The following UTS2 variants were observed in gnomAD, a reference collection of about 807,000 sequenced individuals.
UTS2 encodes the protein urotensin 2.
Under a neutral mutation model 12.6 loss-of-function variants are expected in UTS2, and 10 were observed. The ratio of observed to expected loss-of-function variants is 0.80; its 90% CI spans 0.49 to 1.35. UTS2 has a LOEUF of 1.35. UTS2 is among the 40% of genes most tolerant of loss of function. The pLI, the probability that UTS2 is intolerant of heterozygous loss-of-function variation, is 0.00. For synonymous variants in UTS2, 52 were observed against 50.0 expected (o/e 1.04, Z -0.17); for missense variants, 142 against 143.2 (o/e 0.99, Z 0.04).
the UTS2 span, among the ~76,000 whole-genome samples, chr1:7,898,738 G>T: frequency 2.6e-5 from 4 of 151,914 alleles, no homozygotes; most frequent in Non-Finnish European, 1.5e-5. Flanking sequence ...CGGCCTCCCA[G>T]AATATAGAGT....
the UTS2 span, among the ~76,000 whole-genome samples, chr1:7,890,973 C>T: frequency 6.7e-6 from 1 of 150,210 alleles, no homozygotes; most frequent in Non-Finnish European, 1.5e-5. Flanking sequence ...CTCCACCCCC[C>T]CCCACAAAAC....
chr1:7,899,043 G>A, the UTS2 span, among the ~76,000 whole-genome samples: 1 of 152,168 alleles, frequency 6.6e-6, no homozygotes, highest in Non-Finnish European at 1.5e-5. Context: ...AGGTGAAGGG[G>A]AAACAGGCAC....
At chr1:7,866,223 C>A in the UTS2 span, among the ~76,000 whole-genome samples, 13,429 of 152,190 alleles carry the variant, frequency 0.088, 1,409 homozygotes, top group East Asian at 0.46. The surrounding 1 kb of genome is among the most constrained non-coding windows in gnomAD (Gnocchi z 4.5). Flanking sequence ...GATGACCTGG[C>A]TCGCCCATCT....
the UTS2 span, among the ~76,000 whole-genome samples, chr1:7,904,503 A>G: frequency 6.6e-6 from 1 of 152,008 alleles, no homozygotes; most frequent in African/African-American, 2.4e-5. Flanking sequence ...CAAAAAAAGT[A>G]AAGACGTGTA....
the UTS2 span, among the ~76,000 whole-genome samples, chr1:7,904,579 T>C: frequency 6.6e-6 from 1 of 152,098 alleles, no homozygotes; most frequent in African/African-American, 2.4e-5. Flanking sequence ...CTTAAATAGT[T>C]ACGTGTTATG....
chr1:7,904,773 T>C, the UTS2 span, among the ~76,000 whole-genome samples: 2 of 151,578 alleles, frequency 1.3e-5, no homozygotes, highest in Non-Finnish European at 1.5e-5. Context: ...GGCGTGGTGG[T>C]GGCGCCTGTA....
chr1:7,859,576 T>C, the UTS2 span, among the ~76,000 whole-genome samples: 1 of 151,994 alleles, frequency 6.6e-6, no homozygotes, highest in East Asian at 1.9e-4. Context: ...GGCCCTGGGG[T>C]CAGATGAGGG....
the UTS2 span, among the ~76,000 whole-genome samples, chr1:7,911,241 G>A: frequency 0.52 from 78,465 of 151,930 alleles, 21,147 homozygotes; most frequent in East Asian, 0.92. Context: ...TGCAGGATGT[G>A]TGATCATAAT....
At chr1:7,889,456 AAAAAAAAG>A in the UTS2 span, among the ~76,000 whole-genome samples, 24 of 149,806 alleles carry the variant, frequency 1.6e-4, no homozygotes, top group South Asian at 4.4e-3. Flanking sequence ...AAAAAAAAAA[AAAAAAAAG>A]AAAAGAAAAG....
At chr1:7,871,757 G>A in the UTS2 span, among the ~76,000 whole-genome samples, 1 of 151,968 alleles carries the variant, frequency 6.6e-6, no homozygotes, top group Non-Finnish European at 1.5e-5. Context: ...GATCTTTCAT[G>A]TTACTATTCG....
At chr1:7,872,326 G>GA in the UTS2 span, among the ~76,000 whole-genome samples, 5 of 97,796 alleles carry the variant, frequency 5.1e-5, no homozygotes, top group African/African-American at 2.0e-4. Flanking sequence ...AAAAGGAAAA[G>GA]AAAAAAAAAG....
chr1:7,900,343 G>A, the UTS2 span, among the ~76,000 whole-genome samples: 1 of 151,934 alleles, frequency 6.6e-6, no homozygotes, highest in Non-Finnish European at 1.5e-5. Flanking sequence ...AAGCTGCAGT[G>A]AGCCTTGATT....
the UTS2 span, among the ~76,000 whole-genome samples, chr1:7,877,337 C>T: frequency 6.6e-6 from 1 of 151,802 alleles, no homozygotes; most frequent in Non-Finnish European, 1.5e-5. Context: ...CAATAGAACA[C>T]AATGCAAAGA....
the UTS2 span, among the ~76,000 whole-genome samples, chr1:7,865,490 C>T: frequency 1.3e-3 from 137 of 103,484 alleles, 5 homozygotes; most frequent in African/African-American, 3.9e-3. Flanking sequence ...GTGTGTCTGT[C>T]GGTCCGATAC....
At chr1:7,901,604 C>CTA in the UTS2 span, among the ~76,000 whole-genome samples, 1 of 122,020 alleles carries the variant, frequency 8.2e-6, no homozygotes, top group African/African-American at 3.7e-5. Flanking sequence ...ATATATTCAT[C>CTA]TATGTGTGTG....
At chr1:7,855,319 C>T (rs889615034), upstream of UTS2, among the ~76,000 whole-genome samples, 9 of 151,948 alleles carry the variant, frequency 5.9e-5, no homozygotes, top group Non-Finnish European at 1.0e-4. Context: ...CGCGGTGGCT[C>T]ACGCCTATAA....
the UTS2 span, among the ~76,000 whole-genome samples, chr1:7,905,769 T>G: frequency 1.3e-5 from 2 of 152,214 alleles, no homozygotes; most frequent in Non-Finnish European, 2.9e-5. Flanking sequence ...GAATTGTTTC[T>G]TATTTTCTGG....
chr1:7,868,509 C>T, the UTS2 span, among the ~76,000 whole-genome samples: 2 of 152,130 alleles, frequency 1.3e-5, no homozygotes, highest in Non-Finnish European at 2.9e-5. Flanking sequence ...AAGGGTACCC[C>T]CAGGGGACTG....
At chr1:7,886,782 G>T in the UTS2 span, among the ~76,000 whole-genome samples, 2 of 152,076 alleles carry the variant, frequency 1.3e-5, no homozygotes, top group Non-Finnish European at 2.9e-5. Context: ...GCCAGGCATG[G>T]TGGCTCACGC....
Sources: gnomAD v4.1 joint callset for allele counts (sites outside exome capture counted in the v4.1 genomes callset) on GRCh38, gnomAD v4.1.1 for gene constraint, Gnocchi (gnomAD v3.1) non-coding constraint, MANE v1.5 for transcripts, NCBI Gene and HGNC (gene_info 2026-07-23, HGNC 2026-07-21) for gene names.